The following PCDHA4 variants were observed in gnomAD, a reference collection of about 807,000 sequenced individuals.
PCDHA4 encodes the protein protocadherin alpha-4.
Under a neutral mutation model 61.4 loss-of-function variants are expected in PCDHA4, and 49 were observed. That is an observed-to-expected ratio of 0.80 (90% CI 0.63 to 1.01). The LOEUF (loss-of-function observed/expected upper bound fraction) is 1.01. Among genes scored for constraint, PCDHA4 ranks in the 50% least tolerant of loss-of-function variants. The pLI, the probability that PCDHA4 is intolerant of heterozygous loss-of-function variation, is 0.00. For synonymous variants in PCDHA4, 590 were observed against 550.3 expected, an observed-to-expected ratio of 1.07 and a Z score of -1.01; for missense variants, 1,254 against 1,235.8, an observed-to-expected ratio of 1.01 and a Z score of -0.22.
chr5:140,825,311 T>G (rs1360273212), intron 1 of PCDHA4: 2 of 149,360 alleles, frequency 1.3e-5, no homozygotes, highest in Non-Finnish European at 3.0e-5. Flanking sequence ...AACAATGATT[T>G]AATTTTCTGG....
chr5:140,853,712 G>A (rs2042842322), intron 1 of PCDHA4: 2 of 988,190 alleles, frequency 2.0e-6, no homozygotes, highest in Non-Finnish European at 2.4e-6. Flanking sequence ...ATTAGCATTA[G>A]CAGCACCTAA....
chr5:140,828,061 T>G (rs2150150481), intron 1 of PCDHA4: 2 of 1,556,836 alleles, frequency 1.3e-6, no homozygotes, highest in East Asian at 4.5e-5. Context: ...CGGAAGATCT[T>G]CTAATGGAAA....
chr5:140,947,270 T>C (rs1230948656), intron 1 of PCDHA4, among the ~76,000 whole-genome samples: 1 of 151,546 alleles, frequency 6.6e-6, no homozygotes, highest in Non-Finnish European at 1.5e-5. Context: ...TTGTTGAAAA[T>C]ACTTTTTCTT....
intron 3 of PCDHA4, among the ~76,000 whole-genome samples, chr5:141,003,942 G>C (rs1054043476): frequency 2.0e-5 from 3 of 152,148 alleles, no homozygotes; most frequent in Non-Finnish European, 2.9e-5. Flanking sequence ...TTGCCTGAGG[G>C]TGAGCTAGGA....
chr5:140,883,369 C>A (rs781885590), intron 1 of PCDHA4: 4 of 1,614,064 alleles, frequency 2.5e-6, no homozygotes, highest in Non-Finnish European at 1.7e-6. Context: ...AGCCTAGCGC[C>A]ATTATTGCCC....
chr5:140,843,884 A>G, intron 1 of PCDHA4: 1 of 710,520 alleles, frequency 1.4e-6, no homozygotes, highest in South Asian at 2.0e-5. Flanking sequence ...GGCATAATAC[A>G]GTATTAATCA....
intron 1 of PCDHA4, among the ~76,000 whole-genome samples, chr5:140,827,296 A>G (rs1554130748): frequency 6.6e-6 from 1 of 152,262 alleles, no homozygotes; most frequent in East Asian, 1.9e-4. Flanking sequence ...AAAACAGCAA[A>G]GCACAATGGG....
intron 1 of PCDHA4, chr5:140,828,314 C>T: frequency 6.2e-7 from 1 of 1,614,208 alleles, no homozygotes; most frequent in South Asian, 1.1e-5. Flanking sequence ...CGAGGACCTT[C>T]TGGAGGTAAA....
In PCDHA4 at chr5:140,856,910, A is replaced by G. The variant is rs782378927; in HGVS notation, c.2385+47338A>G. On this transcript the variant is annotated intron_variant, in intron 1 of 3. Coordinates refer to ENST00000530339, the MANE Select transcript of PCDHA4 (RefSeq NM_018907.4). ...ATTTAGCTCTTTGGTCCCACCCACG[A>G]TAAGAAGGAAATTTTGGATAAACGA... 4.4e-6 allele frequency: 7 copies of G among 1,596,308 alleles called. No individual in the cohort carries two copies. In the South Asian group the frequency reaches 4.4e-5, roughly 10 times the overall value.
Position 140,836,456 on chromosome 5 carries a change from C to T in PCDHA4, c.2385+26884C>T, listed in dbSNP as rs2150261271. ...CGTTGGGCATTGCAGGCCCAGAGAC[C>T]GAGCTGGTGGATGTCAACGTGTACC... is the stretch of plus-strand genomic sequence containing the variant. On this transcript the variant is annotated intron_variant, in intron 1 of 3. Coordinates refer to ENST00000530339, the MANE Select transcript of PCDHA4 (RefSeq NM_018907.4). 9 of 1,613,808 alleles carry T rather than the reference C, an allele frequency of 5.6e-6. No individual in the cohort carries two copies. In the South Asian group the frequency reaches 7.7e-5, roughly 14 times the overall value.
At position 140,836,722 on chromosome 5, in the gene PCDHA4, C is replaced by T. The variant is rs1218762370; in HGVS notation, c.2385+27150C>T. ...TTCAGTCCCAGCCTTCCTCAGGGTC[C>T]ATCCTCTACAGACAATGTGAGTCAT... On this transcript the variant is annotated intron_variant, in intron 1 of 3. Coordinates refer to ENST00000530339, the MANE Select transcript of PCDHA4 (RefSeq NM_018907.4). 3.1e-6 allele frequency: 5 copies of T among 1,611,958 alleles called. No individual in the cohort carries two copies. Among genetic ancestry groups the T allele is most frequent in the Non-Finnish European group, 4.2e-6 (5 of 1,178,776 alleles).
intron 1 of PCDHA4, among the ~76,000 whole-genome samples, chr5:140,950,183 GA>G (rs879992336): frequency 5.9e-5 from 9 of 151,666 alleles, no homozygotes; most frequent in African/African-American, 1.7e-4. Context: ...AATTAAGAAG[GA>G]AAAAAATAGT....
chr5:140,809,310 C>G lies in PCDHA4; in HGVS notation c.2123C>G (p.Ser708Cys). ...VYLIIAICAV[S>C]SLLVLTLLLY... ...CTGATCATTGCCATCTGCGCGGTGTCCAGCCTTTTGGTGCTCACGCTGCTG... is the reference window on the plus strand; with the variant it reads ...CTGATCATTGCCATCTGCGCGGTGTGCAGCCTTTTGGTGCTCACGCTGCTG... The change falls in exon 1 of 4, where the codon TCC (serine) becomes TGC (cysteine). Residue 708 changes from serine (S) to cysteine (C), a missense_variant. Coordinates refer to ENST00000530339, the MANE Select transcript of PCDHA4 (RefSeq NM_018907.4). 6.2e-7 allele frequency: 1 copy of G among 1,614,106 alleles called. No individual in the cohort carries two copies. Among genetic ancestry groups the G allele is most frequent in the Non-Finnish European group, 8.5e-7 (1 of 1,179,940 alleles).
At chr5:140,936,768 G>C (rs1554211177) in intron 1 of PCDHA4, among the ~76,000 whole-genome samples, 2 of 152,042 alleles carry the variant, frequency 1.3e-5, no homozygotes, top group African/African-American at 4.8e-5. Flanking sequence ...AATTGTGTAA[G>C]TTCTCTCACT....
At chr5:140,953,620 T>G (rs1207803220) in intron 1 of PCDHA4, among the ~76,000 whole-genome samples, 1 of 152,146 alleles carries the variant, frequency 6.6e-6, no homozygotes, top group Non-Finnish European at 1.5e-5. Context: ...CTTAGATATT[T>G]GCTTTATGTA....
Position 140,809,419 on chromosome 5 carries a change from G to A in PCDHA4, c.2232G>A (p.Ala744=), listed in dbSNP as rs1425791454. 1 of 1,614,220 alleles carries A rather than the reference G, an allele frequency of 6.2e-7. No individual in the cohort carries two copies. The highest frequency in any genetic ancestry group is 8.5e-7 in the Non-Finnish European group (1 of 1,180,024). The change falls in exon 1 of 4, where the codon GCG becomes GCA. Residue 744 remains alanine, a synonymous_variant. Transcript: ENST00000530339. ...PGKPTLVCSS[A]VGSWSYSQQR... ...AGCCCACGCTGGTGTGCTCCAGTGC[G>A]GTGGGGAGCTGGTCATACTCGCAGC...
intron 1 of PCDHA4, chr5:140,859,968 T>A (rs1262644180): frequency 6.6e-6 from 1 of 151,956 alleles, no homozygotes; most frequent in Non-Finnish European, 1.5e-5. Flanking sequence ...AAGTCTCAGG[T>A]ATACAAGTGC....
chr5:140,851,180 A>C lies in PCDHA4; in HGVS notation c.2385+41608A>C, dbSNP rs554158546. 42 of 1,251,052 alleles carry C rather than the reference A, an allele frequency of 3.4e-5. 2 individuals are homozygous for C. In the African/African-American group the frequency reaches 5.9e-4, roughly 18 times the overall value. 77.5% of individuals were successfully genotyped at this position (1,251,052 alleles called of 1,614,324 possible). On this transcript the variant is annotated intron_variant, in intron 1 of 3. Coordinates refer to ENST00000530339, the MANE Select transcript of PCDHA4 (RefSeq NM_018907.4). Reference sequence around the variant, plus strand: ...ATGCTATGCTGCCATAACACTTGAAAACCAATTTAGTTGTTAGTCATTCAT... The same window carrying C: ...ATGCTATGCTGCCATAACACTTGAACACCAATTTAGTTGTTAGTCATTCAT...
intron 1 of PCDHA4, chr5:140,843,190 C>G (rs2150354954): frequency 1.3e-6 from 2 of 1,595,984 alleles, no homozygotes; most frequent in South Asian, 1.1e-5. Context: ...TCCCGTTCCG[C>G]GTGGGGCTGT....
Sources: allele counts gnomAD v4.1 joint callset (sites outside exome capture counted in the v4.1 genomes callset), GRCh38; gene constraint gnomAD v4.1.1; transcripts MANE v1.5; gene names NCBI Gene and HGNC (gene_info 2026-07-23, HGNC 2026-07-21).